The following PCDH9 variants were observed in gnomAD, a reference collection of about 807,000 sequenced individuals.
PCDH9 encodes the protein protocadherin 9.
PCDH9 carries 24 observed loss-of-function variants against 70.6 expected under a neutral mutation model. That is an observed-to-expected ratio of 0.34 (90% CI 0.25 to 0.48). The LOEUF (loss-of-function observed/expected upper bound fraction) is 0.48. Among genes scored for constraint, PCDH9 ranks in the 20% least tolerant of loss-of-function variants. The pLI is 0.99. For missense variants in PCDH9, 1,281 were observed against 1,503.6 expected (o/e 0.85, Z 2.45); for synonymous variants, 562 against 558.5 (o/e 1.01, Z -0.09).
At chr13:66,770,039 A>G (rs1418705979) in intron 3 of PCDH9, among the ~76,000 whole-genome samples, 1 of 152,134 alleles carries the variant, frequency 6.6e-6, no homozygotes, top group Non-Finnish European at 1.5e-5. Context: ...GGAGGTATGG[A>G]AGTGGAAAAT....
chr13:66,987,397 T>C (rs1055064872), intron 2 of PCDH9, among the ~76,000 whole-genome samples: 1 of 152,088 alleles, frequency 6.6e-6, no homozygotes, highest in Non-Finnish European at 1.5e-5. Flanking sequence ...TACTGCTTAA[T>C]AGCACATGCT....
At chr13:66,548,291 A>C (rs1441470247) in intron 4 of PCDH9, among the ~76,000 whole-genome samples, 1 of 152,096 alleles carries the variant, frequency 6.6e-6, no homozygotes, top group Non-Finnish European at 1.5e-5. Flanking sequence ...TAGGCCAGGC[A>C]TGGTGGCTCA....
At chr13:66,997,769 G>A (rs1460222696) in intron 2 of PCDH9, among the ~76,000 whole-genome samples, 6 of 152,068 alleles carry the variant, frequency 3.9e-5, no homozygotes, top group Non-Finnish European at 8.8e-5. Flanking sequence ...CCCTGACCTC[G>A]TGATCCGCCT....
chr13:67,026,082 A>G (rs1422315210), intron 2 of PCDH9, among the ~76,000 whole-genome samples: 1 of 152,110 alleles, frequency 6.6e-6, no homozygotes, highest in Non-Finnish European at 1.5e-5. Context: ...AAGTGTACAC[A>G]TCTGCATCTA....
intron 2 of PCDH9, among the ~76,000 whole-genome samples, chr13:67,004,279 G>T (rs910168617): frequency 6.6e-6 from 1 of 151,746 alleles, no homozygotes; most frequent in African/African-American, 2.4e-5. Flanking sequence ...TTTTAAAAAA[G>T]AAATTTATAG....
chr13:66,856,430 G>T (rs2081395925), intron 3 of PCDH9, among the ~76,000 whole-genome samples: 1 of 151,902 alleles, frequency 6.6e-6, no homozygotes, highest in Non-Finnish European at 1.5e-5. Flanking sequence ...CTTGAAAATA[G>T]GTTATCAACC....
At chr13:67,001,424 T>G (rs2084242317) in intron 2 of PCDH9, among the ~76,000 whole-genome samples, 1 of 151,524 alleles carries the variant, frequency 6.6e-6, no homozygotes, top group African/African-American at 2.4e-5. Context: ...TCCCAAGTTT[T>G]AGTTTGTTAA....
intron 2 of PCDH9, among the ~76,000 whole-genome samples, chr13:66,999,704 T>C (rs2084199278): frequency 1.3e-5 from 2 of 151,884 alleles, no homozygotes. Flanking sequence ...AAAGAAGACA[T>C]TTATGCAGCC....
At chr13:66,677,615 T>C (rs1226514171) in intron 3 of PCDH9, among the ~76,000 whole-genome samples, 3 of 152,054 alleles carry the variant, frequency 2.0e-5, no homozygotes, top group East Asian at 3.9e-4. Context: ...TCCTTCCCCA[T>C]GCTCTTTCTC....
At chr13:66,594,260 A>G (rs989460091) in intron 4 of PCDH9, among the ~76,000 whole-genome samples, 10 of 151,766 alleles carry the variant, frequency 6.6e-5, no homozygotes, top group Admixed American at 2.0e-4. Context: ...TCATCTTTCG[A>G]ATCAAAGGCA....
At chr13:67,024,360 GA>G (rs1421726262) in intron 2 of PCDH9, among the ~76,000 whole-genome samples, 6 of 152,102 alleles carry the variant, frequency 3.9e-5, no homozygotes, top group Non-Finnish European at 8.8e-5. Context: ...TGTCTATGTT[GA>G]GGTGTGCAGT....
At chr13:66,945,662 A>G (rs2083076397) in intron 2 of PCDH9, among the ~76,000 whole-genome samples, 1 of 151,992 alleles carries the variant, frequency 6.6e-6, no homozygotes, top group South Asian at 2.1e-4. Context: ...CATGCTTTTG[A>G]GTATTGTTGT....
At chr13:66,426,851 A>T (rs1412037907) in intron 4 of PCDH9, among the ~76,000 whole-genome samples, 6 of 151,604 alleles carry the variant, frequency 4.0e-5, no homozygotes, top group African/African-American at 1.5e-4. Flanking sequence ...AGAGTTCAAC[A>T]TTAAAAACAA....
intron 3 of PCDH9, among the ~76,000 whole-genome samples, chr13:66,878,393 A>T (rs1229619574): frequency 6.6e-6 from 1 of 151,810 alleles, no homozygotes; most frequent in Non-Finnish European, 1.5e-5. Context: ...CGCCCGGCTA[A>T]TTATCGTATT....
chr13:67,165,596 CTA>C (rs2088090457), intron 2 of PCDH9, among the ~76,000 whole-genome samples: 1 of 151,538 alleles, frequency 6.6e-6, no homozygotes. Context: ...CATTTTAATT[CTA>C]TCTTTTATGT....
rs1264738536 is a variant in PCDH9 at position 67,226,024 on chromosome 13, G to T, written c.2417C>A (p.Pro806His). Residue 806 changes from proline (P) to histidine (H), a missense_variant, in exon 2 of 5, where the codon CCC (proline) becomes CAC (histidine). Transcript: ENST00000377865. The surrounding 1 kb of genome is among the most constrained non-coding windows in gnomAD (Gnocchi z 5.0). ...LDRNIGDSSQPYQNEDYLTIM... is the reference protein window; with the variant it reads ...LDRNIGDSSQHYQNEDYLTIM... ...GGTTAGATAGTCCTCATTTTGATAG[G>T]GTTGGCTACTATCCCCTATGTTCCT... 6.2e-7 allele frequency: 1 copy of T among 1,613,898 alleles called. No individual in the cohort carries two copies. Among genetic ancestry groups the T allele is most frequent in the Non-Finnish European group, 8.5e-7 (1 of 1,179,994 alleles).
At chr13:66,426,220 GA>G (rs527582991) in intron 4 of PCDH9, among the ~76,000 whole-genome samples, 18 of 144,602 alleles carry the variant, frequency 1.2e-4, no homozygotes, top group African/African-American at 2.5e-4. Context: ...TCATATGAAT[GA>G]AAAAAAAAAG....
At chr13:66,663,369 T>C (rs2078045452) in intron 3 of PCDH9, among the ~76,000 whole-genome samples, 1 of 152,202 alleles carries the variant, frequency 6.6e-6, no homozygotes, top group South Asian at 2.1e-4. Context: ...GGGCAGAACC[T>C]GACAGCCTAA....
At chr13:67,021,518 T>C (rs979022248) in intron 2 of PCDH9, among the ~76,000 whole-genome samples, 1 of 152,230 alleles carries the variant, frequency 6.6e-6, no homozygotes, top group Admixed American at 6.5e-5. Flanking sequence ...TTTAAAAGTT[T>C]ATATGCCACT....
Sources: gnomAD v4.1 joint callset for allele counts (sites outside exome capture counted in the v4.1 genomes callset) on GRCh38, gnomAD v4.1.1 for gene constraint, Gnocchi (gnomAD v3.1) non-coding constraint, MANE v1.5 for transcripts, NCBI Gene and HGNC (gene_info 2026-07-23, HGNC 2026-07-21) for gene names.